Variants in RC3H2 observed in about 807,000 individuals in gnomAD.
RC3H2 encodes the protein ring finger and CCCH-type domains 2, also known as roquin-2.
A neutral mutation model predicts 133.3 loss-of-function variants in RC3H2; 31 were observed. That is an observed-to-expected ratio of 0.23 (90% CI 0.17 to 0.31). The LOEUF is 0.31. Among genes scored for constraint, RC3H2 ranks in the 10% least tolerant of loss-of-function variants. The probability of loss-of-function intolerance (pLI) is 1.00; values close to 1 mark genes in which losing one functional copy is unlikely to be tolerated. For synonymous variants in RC3H2, 517 were observed against 502.2 expected (o/e 1.03, Z -0.40); for missense variants, 1,175 against 1,437.2 (o/e 0.82, Z 2.95).
At chr9:122,903,912 G>A (rs958279403) in intron 1 of RC3H2, among the ~76,000 whole-genome samples, 9 of 152,194 alleles carry the variant, frequency 5.9e-5, no homozygotes, top group African/African-American at 2.2e-4. Flanking sequence ...TTAAAAAGGA[G>A]AATCTATTAA....
chr9:122,859,997 G>A lies in RC3H2; in HGVS notation c.1769C>T (p.Pro590Leu), dbSNP rs749562076. Residue 590 changes from proline to leucine, a missense_variant, in exon 11 of 21, where the codon CCT (proline) becomes CTT (leucine). Physicochemically the swap from Pro to Leu is moderately conservative, Grantham distance 98. This residue lies in a region of RC3H2 where 490 missense variants were observed against 492.8 expected (regional missense o/e 0.99). Transcript: ENST00000357244. Reference sequence around the variant, plus strand: ...ATACTGAATGTTTTCAGAATGCGGAGGATATACTGGTACTCTAGTTAGAAA... The same window carrying A: ...ATACTGAATGTTTTCAGAATGCGGAAGATATACTGGTACTCTAGTTAGAAA... The part of the protein sequence containing the change: ...SPFLTRVPVY[P>L]PHSENIQYFQ... 4 of 1,614,090 alleles carry A rather than the reference G, an allele frequency of 2.5e-6. No individual in the cohort carries two copies. The highest frequency in any genetic ancestry group is 3.4e-6 in the Non-Finnish European group (4 of 1,179,994).
intron 2 of RC3H2, 125 bp downstream of exon 2, chr9:122,897,154 G>C (rs1832459677): frequency 1.4e-6 from 1 of 726,718 alleles, no homozygotes. Context: ...TTATGAATTT[G>C]TGTTGGGCCG....
At position 122,865,733 on chromosome 9, in the gene RC3H2, T is replaced by C. The variant is rs923380242; in HGVS notation, c.1326-76A>G. 4.8e-6 allele frequency: 6 copies of C among 1,241,836 alleles called. No individual in the cohort carries two copies. In the Admixed American group the frequency reaches 8.2e-5, roughly 17 times the overall value. The allele number at this position is 1,241,836 out of a possible 1,614,324, so 76.9% of individuals were successfully genotyped here. On this transcript the variant is annotated intron_variant, in intron 9 of 20. Transcript: ENST00000357244. ...CAAGACAAAAAATGGCAATGGGCAA[T>C]GGGAATAGATTGAAAAAGGAGGAAA... is the stretch of plus-strand genomic sequence containing the variant.
intron 4 of RC3H2, among the ~76,000 whole-genome samples, chr9:122,884,961 CGACTAAAAAGAGACAT>C (rs1388298775): frequency 3.3e-5 from 5 of 151,560 alleles, no homozygotes. Flanking sequence ...AGAATAAAGA[CGACTAAAAAGAGACAT>C]GACTAAAACG....
At chr9:122,898,214 A>C (rs1482489252) in intron 1 of RC3H2, 1 of 152,242 alleles carries the variant, frequency 6.6e-6, no homozygotes, top group Non-Finnish European at 1.5e-5. Flanking sequence ...ACTAATGCTG[A>C]CCACAACATA....
At chr9:122,871,525 G>C (rs923587090) in intron 9 of RC3H2, among the ~76,000 whole-genome samples, 3 of 149,160 alleles carry the variant, frequency 2.0e-5, no homozygotes, top group African/African-American at 5.1e-5. Context: ...GGGTTTCATC[G>C]TGTTAGCCAG....
At chr9:122,878,842 G>A (rs1273565422) in intron 8 of RC3H2, among the ~76,000 whole-genome samples, 4 of 151,588 alleles carry the variant, frequency 2.6e-5, no homozygotes, top group African/African-American at 7.3e-5. Context: ...TCCATCTCCC[G>A]GGTTCAAGCG....
intron 1 of RC3H2, among the ~76,000 whole-genome samples, chr9:122,898,374 TC>T (rs2131506607): frequency 6.6e-6 from 1 of 152,210 alleles, no homozygotes; most frequent in Admixed American, 6.5e-5. Context: ...AAAACATTAT[TC>T]TAAAAAGTTA....
In RC3H2 at chr9:122,896,498, T is replaced by C. The variant is rs1416443183; in HGVS notation, c.231+781A>G. 3.3e-5 allele frequency among the ~76,000 whole-genome samples: 5 copies of C among 152,336 alleles called. No individual in the cohort carries two copies. The East Asian group carries it at 9.6e-4, about 29-fold the overall frequency. On this transcript the variant is annotated intron_variant, in intron 2 of 20. Transcript: ENST00000357244. ...ATATACATAAATTTTAGCCACAGAA[T>C]TGAATATGTAACTATAATGTAATCT...
At chr9:122,883,655 A>G (rs1223789909) in intron 4 of RC3H2, among the ~76,000 whole-genome samples, 1 of 152,182 alleles carries the variant, frequency 6.6e-6, no homozygotes, top group African/African-American at 2.4e-5. Flanking sequence ...AGTCAATTAG[A>G]TGATGATAAT....
At position 122,880,087 on chromosome 9, in the gene RC3H2, T is replaced by C. The variant is rs1331033795; in HGVS notation, c.999A>G (p.Glu333=). 6.2e-7 allele frequency: 1 copy of C among 1,614,094 alleles called. No individual in the cohort carries two copies. Among genetic ancestry groups the C allele is most frequent in the Admixed American group, 1.7e-5 (1 of 60,018 alleles). The change falls in exon 7 of 21, where the codon GAA becomes GAG. Residue 333 remains glutamate (E), a synonymous_variant. Coordinates refer to ENST00000357244, the MANE Select transcript of RC3H2 (RefSeq NM_001100588.3). The part of the protein sequence containing the change: ...SPESFAKSVQ[E]LTIVLQRTGD... ...CTGTTCGTTGCAAAACAATTGTCAA[T>C]TCCTGGACACTCTTTGCAAATGACT...
intron 4 of RC3H2, among the ~76,000 whole-genome samples, chr9:122,888,096 T>C (rs1832008404): frequency 6.6e-6 from 1 of 152,194 alleles, no homozygotes; most frequent in South Asian, 2.1e-4. Context: ...GGCATTAACA[T>C]AATTATTTGC....
intron 9 of RC3H2, among the ~76,000 whole-genome samples, chr9:122,866,378 CCCTCCCTCTCCCCACGGTCTCCCT>C (rs1390669940): frequency 0.014 from 70 of 5,144 alleles, no homozygotes; most frequent in African/African-American, 0.015. Flanking sequence ...TCCCCCTCCC[CCCTCCCTCTCCCCACGGTCTCCCT>C]CTCCCCACGG....
rs140715639 is a variant in RC3H2 at position 122,894,391 on chromosome 9, G to A, written c.232-1365C>T. Among the ~76,000 whole-genome samples, 42 of 152,278 alleles carry A rather than the reference G, an allele frequency of 2.8e-4. No homozygotes were observed. In the East Asian group the frequency reaches 6.9e-3, roughly 25 times the overall value. On this transcript the variant is annotated intron_variant, in intron 2 of 20. Coordinates refer to ENST00000357244, the MANE Select transcript of RC3H2 (RefSeq NM_001100588.3). Reference sequence around the variant, plus strand: ...AGACAAAATGTTTTGCCTTTGTGGAGCTCACATTCTAGTGGAGAGGAGAAG... The same window carrying A: ...AGACAAAATGTTTTGCCTTTGTGGAACTCACATTCTAGTGGAGAGGAGAAG...
chr9:122,864,645 G>A (rs887841119), intron 10 of RC3H2, among the ~76,000 whole-genome samples: 1 of 150,560 alleles, frequency 6.6e-6, no homozygotes, highest in African/African-American at 2.4e-5. Flanking sequence ...TTTTGAGACA[G>A]TGTCTCACTC....
Position 122,855,363 on chromosome 9 carries a change from T to C in RC3H2, c.2636A>G (p.His879Arg). The C allele has an allele frequency of 6.2e-7, 1 of 1,613,820 alleles. No homozygotes were observed. The highest frequency in any genetic ancestry group is 8.5e-7 in the Non-Finnish European group (1 of 1,180,022). ...TGTCCTTCTCTGGGTTTCAAATAAA[T>C]GTACTCTTCTCTTAACATCACCACT... ...LDSGDVKRRV[H>R]LFETQRRTKE... The change falls in exon 15 of 21, where the codon CAT becomes CGT. Residue 879 changes from histidine (H) to arginine (R), a missense_variant. Coordinates refer to ENST00000357244, the MANE Select transcript of RC3H2 (RefSeq NM_001100588.3).
intron 18 of RC3H2, among the ~76,000 whole-genome samples, chr9:122,852,429 C>T (rs1233093987): frequency 5.4e-5 from 8 of 147,908 alleles, no homozygotes; most frequent in African/African-American, 2.0e-4. Context: ...CCCCGCCTGG[C>T]CAGCCGCCCC....
At chr9:122,885,577 T>C (rs1371714638) in intron 4 of RC3H2, among the ~76,000 whole-genome samples, 1 of 152,220 alleles carries the variant, frequency 6.6e-6, no homozygotes, top group African/African-American at 2.4e-5. Flanking sequence ...ACCAATCTAA[T>C]AGAACCAAGG....
chr9:122,856,891 G>A (rs1446245853), intron 13 of RC3H2, among the ~76,000 whole-genome samples: 2 of 152,210 alleles, frequency 1.3e-5, no homozygotes, highest in East Asian at 1.9e-4. Context: ...AAATACAAGT[G>A]GCATCTAGCA....
Sources: gnomAD v4.1 joint callset for allele counts (sites outside exome capture counted in the v4.1 genomes callset) on GRCh38, gnomAD v4.1.1 for gene constraint, gnomAD v4.1.1 regional missense constraint, MANE v1.5 for transcripts, NCBI Gene and HGNC (gene_info 2026-07-23, HGNC 2026-07-21) for gene names.